The following SV2B variants were observed in gnomAD, a reference collection of about 807,000 sequenced individuals.
The protein encoded by SV2B is solute carrier family 22 member B2.
Under a neutral mutation model 73.9 loss-of-function variants are expected in SV2B, and 41 were observed. The observed-to-expected ratio is 0.56, with a 90% CI of 0.43 to 0.72. The LOEUF is 0.72. SV2B is among the 30% of genes least tolerant of loss of function. The pLI is 0.00. For missense variants in SV2B, 764 were observed against 857.8 expected (o/e 0.89, Z 1.37); for synonymous variants, 314 against 314.2 (o/e 1.00, Z 0.01).
At position 91,157,152 on chromosome 15, in the gene SV2B, T is replaced by G. The variant is rs78453718; in HGVS notation, c.-392+56789T>G. Among the ~76,000 whole-genome samples, 999 of 152,302 alleles carry G rather than the reference T, an allele frequency of 6.6e-3. 9 individuals carry two copies. Among genetic ancestry groups the G allele is most frequent in the African/African-American group, 0.023 (939 of 41,562 alleles). ...GCAAAGTAGGATTTGGGAAGGATTT[T>G]TACCTTTTTCCCATTTCTACTCGTC... On this transcript the variant is annotated intron_variant, in intron 1 of 12. Coordinates refer to ENST00000394232, the MANE Select transcript of SV2B (RefSeq NM_001323032.3).
chr15:91,198,418 A>G (rs567249726), intron 1 of SV2B, among the ~76,000 whole-genome samples: 157 of 149,236 alleles, frequency 1.1e-3, no homozygotes, highest in Middle Eastern at 7.1e-3. Flanking sequence ...TTTTCTTCTC[A>G]GTGACAGCTT....
In SV2B at chr15:91,236,302, T is replaced by C. The variant is rs2046778635; in HGVS notation, c.451+9588T>C. 6.6e-6 allele frequency among the ~76,000 whole-genome samples: 1 copy of C among 152,224 alleles called. No homozygotes were observed. Among genetic ancestry groups the C allele is most frequent in the South Asian group, 2.1e-4 (1 of 4,830 alleles). On this transcript the variant is annotated intron_variant, in intron 2 of 12. Coordinates refer to ENST00000394232, the MANE Select transcript of SV2B (RefSeq NM_001323032.3). This position sits in a 1 kb window ranked among gnomAD's most constrained non-coding sequence, Gnocchi z 4.1. ...TATCAGAATAAACATATGTTATTTA[T>C]TTATTTGTATTGATTCACCTATATT...
chr15:91,200,432 G>A lies in SV2B; in HGVS notation c.-391-25441G>A, dbSNP rs577790761. Among the ~76,000 whole-genome samples the A allele has an allele frequency of 1.1e-3, 163 of 152,298 alleles. 1 individual carries two copies. Among genetic ancestry groups the A allele is most frequent in the Non-Finnish European group, 1.9e-3 (131 of 68,026 alleles). On this transcript the variant is annotated intron_variant, in intron 1 of 12. Coordinates refer to ENST00000394232, the MANE Select transcript of SV2B (RefSeq NM_001323032.3). ...ACTTTTTGAATGCATTTACCTGGGG[G>A]ATCAGAAAGGAAACTAGAGGGGTGT...
Position 91,182,640 on chromosome 15 carries a change from A to G in SV2B, c.-391-43233A>G, listed in dbSNP as rs146371965. Among the ~76,000 whole-genome samples, 51 of 152,326 alleles carry G rather than the reference A, an allele frequency of 3.3e-4. No individual in the cohort carries two copies. In the East Asian group the frequency reaches 8.5e-3, roughly 25 times the overall value. ...AACACGTGCCACTGACCACAAGGGC[A>G]TCTACGATGGGTCAGCATGAAGTCA... On this transcript the variant is annotated intron_variant, in intron 1 of 12. Coordinates refer to ENST00000394232, the MANE Select transcript of SV2B (RefSeq NM_001323032.3).
intron 1 of SV2B, among the ~76,000 whole-genome samples, chr15:91,186,695 G>A (rs1190936815): frequency 1.3e-5 from 2 of 152,048 alleles, no homozygotes; most frequent in African/African-American, 2.4e-5. Flanking sequence ...AATAAGAGAC[G>A]CTGGAGACTC....
intron 1 of SV2B, among the ~76,000 whole-genome samples, chr15:91,145,822 C>A (rs1010513783): frequency 1.3e-5 from 2 of 152,134 alleles, no homozygotes; most frequent in Non-Finnish European, 2.9e-5. Flanking sequence ...CCTTTGCCCA[C>A]TTTTTAATGA....
At position 91,241,831 on chromosome 15, in the gene SV2B, C is replaced by T. The variant is rs924197163; in HGVS notation, c.452-9988C>T. Among the ~76,000 whole-genome samples the T allele has an allele frequency of 3.3e-5, 5 of 152,200 alleles. No homozygotes were observed. Among genetic ancestry groups the T allele is most frequent in the African/African-American group, 4.8e-5 (2 of 41,438 alleles). On this transcript the variant is annotated intron_variant, in intron 2 of 12. Transcript: ENST00000394232. This position sits in a 1 kb window ranked among gnomAD's most constrained non-coding sequence, Gnocchi z 4.8. Reference sequence around the variant, plus strand: ...TTATCTCTCTATGGAATCATTCCCACCAGCACACTACACATTTCTTCAGTC... The same window carrying T: ...TTATCTCTCTATGGAATCATTCCCATCAGCACACTACACATTTCTTCAGTC...
chr15:91,204,962 A>G (rs1296318587), intron 1 of SV2B, among the ~76,000 whole-genome samples: 2 of 152,180 alleles, frequency 1.3e-5, no homozygotes, highest in Non-Finnish European at 1.5e-5. Context: ...CCTAACTTGC[A>G]TGAGGTCTTT....
rs183184590 is a variant in SV2B, at chr15:91,289,357, A to G, written c.1709-164A>G. 1.9e-3 allele frequency among the ~76,000 whole-genome samples: 296 copies of G among 152,236 alleles called. 1 individual carries two copies. The highest frequency in any genetic ancestry group is 3.2e-3 in the Non-Finnish European group (216 of 68,010). On this transcript the variant is annotated intron_variant, in intron 11 of 12. Transcript: ENST00000394232. The surrounding 1 kb of genome is among the most constrained non-coding windows in gnomAD (Gnocchi z 4.9). ...GCCATGTCTGGGGTGCCTTGTGAGG[A>G]TTCCAGCTGTGCTCTCTCTGTGTGG...
At chr15:91,210,361 G>A (rs1000160713) in intron 1 of SV2B, among the ~76,000 whole-genome samples, 1 of 151,916 alleles carries the variant, frequency 6.6e-6, no homozygotes, top group Non-Finnish European at 1.5e-5. Context: ...TAAGTAGTTC[G>A]GTCTAAGCTG....
chr15:91,250,198 G>A (rs2047429391), intron 2 of SV2B, among the ~76,000 whole-genome samples: 1 of 152,148 alleles, frequency 6.6e-6, no homozygotes, highest in Admixed American at 6.5e-5. Flanking sequence ...TGGCATGAAT[G>A]GATGTTTAAA....
intron 1 of SV2B, among the ~76,000 whole-genome samples, chr15:91,193,556 C>T (rs1174364395): frequency 6.6e-6 from 1 of 152,162 alleles, no homozygotes. Context: ...TCAGAGTGGG[C>T]CCCCACCATG....
Position 91,223,707 on chromosome 15 carries a change from C to T in SV2B, c.-391-2166C>T, listed in dbSNP as rs1322009891. 6.6e-6 allele frequency among the ~76,000 whole-genome samples: 1 copy of T among 152,190 alleles called. No individual in the cohort carries two copies. The highest frequency in any genetic ancestry group is 2.4e-5 in the African/African-American group (1 of 41,450). On this transcript the variant is annotated intron_variant, in intron 1 of 12. Coordinates refer to ENST00000394232, the MANE Select transcript of SV2B (RefSeq NM_001323032.3). The surrounding 1 kb of genome is among the most constrained non-coding windows in gnomAD (Gnocchi z 4.6). ...GGTCCCTAAATAGATGTAATAAAAA[C>T]AGATTTAGAATATTAATCTGACGTG...
At chr15:91,167,711 C>G (rs2043964881) in intron 1 of SV2B, among the ~76,000 whole-genome samples, 1 of 152,176 alleles carries the variant, frequency 6.6e-6, no homozygotes, top group Non-Finnish European at 1.5e-5. Context: ...TTTTACCATG[C>G]AAGGTAACAT....
At chr15:91,134,639 A>G (rs1056737221) in intron 1 of SV2B, among the ~76,000 whole-genome samples, 19 of 152,358 alleles carry the variant, frequency 1.2e-4, no homozygotes, top group Admixed American at 1.2e-3. Context: ...CTTAACATTT[A>G]AGAACCTCAG....
intron 1 of SV2B, among the ~76,000 whole-genome samples, chr15:91,218,800 C>T (rs535856813): frequency 3.2e-4 from 49 of 152,234 alleles, no homozygotes; most frequent in African/African-American, 9.9e-4. Context: ...CAGATGCTAC[C>T]GACTCCTGCT....
At chr15:91,189,770 C>A (rs950609374) in intron 1 of SV2B, among the ~76,000 whole-genome samples, 1 of 152,176 alleles carries the variant, frequency 6.6e-6, no homozygotes, top group Non-Finnish European at 1.5e-5. Context: ...GGATGGATCA[C>A]GAGGTCAGGA....
At chr15:91,142,196 T>A (rs180795309) in intron 1 of SV2B, among the ~76,000 whole-genome samples, 81 of 152,260 alleles carry the variant, frequency 5.3e-4, no homozygotes, top group Admixed American at 5.1e-3. Flanking sequence ...CCCACAGCCT[T>A]GCTGTTCTCT....
chr15:91,157,584 A>T (rs575571419), intron 1 of SV2B, among the ~76,000 whole-genome samples: 4 of 152,302 alleles, frequency 2.6e-5, no homozygotes, highest in African/African-American at 9.6e-5. Flanking sequence ...CTCTTTGCAC[A>T]TTCTAAGTCA....
Sources: allele counts gnomAD v4.1 joint callset (sites outside exome capture counted in the v4.1 genomes callset), GRCh38; gene constraint gnomAD v4.1.1; non-coding constraint Gnocchi (gnomAD v3.1); transcripts MANE v1.5; gene names NCBI Gene and HGNC (gene_info 2026-07-23, HGNC 2026-07-21).